The following SLC25A13 variants were observed in gnomAD, a reference collection of about 807,000 sequenced individuals.
SLC25A13 encodes the protein solute carrier family 25 member 13.
A neutral mutation model predicts 85.5 loss-of-function variants in SLC25A13; 70 were observed. The observed-to-expected ratio is 0.82, with a 90% CI of 0.68 to 1.00. The LOEUF is 1.00. Ranked by LOEUF, SLC25A13 falls within the 50% of genes least tolerant of loss-of-function variation. The probability of loss-of-function intolerance (pLI) is 0.00; values close to 1 mark genes in which losing one functional copy is unlikely to be tolerated. For missense variants in SLC25A13, 765 were observed against 819.8 expected (o/e 0.93, Z 0.82); for synonymous variants, 259 against 288.7 (o/e 0.90, Z 1.04).
At chr7:96,217,873 T>C (rs1364085319) in intron 4 of SLC25A13, among the ~76,000 whole-genome samples, 9 of 140,454 alleles carry the variant, frequency 6.4e-5, no homozygotes, top group Non-Finnish European at 1.1e-4. Flanking sequence ...TTTAAATGGG[T>C]AAATTATATC....
chr7:96,138,941 G>C (rs1792409461), intron 14 of SLC25A13, among the ~76,000 whole-genome samples: 1 of 152,100 alleles, frequency 6.6e-6, no homozygotes, highest in South Asian at 2.1e-4. Flanking sequence ...AGAAGACCTG[G>C]CCTGGAGAGG....
chr7:96,307,714 G>C (rs1171157232), intron 1 of SLC25A13, among the ~76,000 whole-genome samples: 2 of 152,086 alleles, frequency 1.3e-5, no homozygotes, highest in Admixed American at 6.5e-5. Context: ...CACTTTTTGG[G>C]AAATTTCCAT....
At chr7:96,222,532 ACCT>A (rs1195544362) in intron 4 of SLC25A13, among the ~76,000 whole-genome samples, 1 of 151,820 alleles carries the variant, frequency 6.6e-6, no homozygotes, top group African/African-American at 2.4e-5. Context: ...TGCAACCTCC[ACCT>A]CCTGGGTTCA....
chr7:96,181,109 T>G (rs1794404161), intron 11 of SLC25A13, among the ~76,000 whole-genome samples: 1 of 152,180 alleles, frequency 6.6e-6, no homozygotes, highest in African/African-American at 2.4e-5. Flanking sequence ...GCCATTTTCT[T>G]GTTAGGAAAA....
At chr7:96,214,709 C>T (rs773380368) in intron 4 of SLC25A13, among the ~76,000 whole-genome samples, 6 of 151,406 alleles carry the variant, frequency 4.0e-5, no homozygotes, top group South Asian at 4.2e-4. Flanking sequence ...GGTGACAGGG[C>T]GAGACTCCGT....
intron 4 of SLC25A13, among the ~76,000 whole-genome samples, chr7:96,223,890 T>C (rs1288266122): frequency 6.6e-6 from 1 of 151,314 alleles, no homozygotes; most frequent in African/African-American, 2.4e-5. Flanking sequence ...TATCAGTAAG[T>C]AGGAATAGGT....
intron 4 of SLC25A13, among the ~76,000 whole-genome samples, chr7:96,219,481 T>C (rs966009430): frequency 1.3e-5 from 2 of 152,200 alleles, no homozygotes; most frequent in Non-Finnish European, 2.9e-5. Flanking sequence ...ATCCTTCTAG[T>C]GCCAGAAGTC....
chr7:96,252,676 G>GT (rs1797479022), intron 3 of SLC25A13, among the ~76,000 whole-genome samples: 1 of 152,168 alleles, frequency 6.6e-6, no homozygotes. Context: ...GCAAAAAGGG[G>GT]TAAGAGGCAA....
In SLC25A13 at chr7:96,146,498, T is replaced by G. The variant is rs779170369; in HGVS notation, c.1452+58A>C. 6.6e-5 allele frequency: 104 copies of G among 1,584,964 alleles called. 1 individual carries two copies. Among genetic ancestry groups the G allele is most frequent in the Admixed American group, 7.1e-5 (4 of 56,028 alleles). On this transcript the variant is annotated intron_variant, in intron 14 of 17. Coordinates refer to ENST00000265631, the MANE Select transcript of SLC25A13 (RefSeq NM_014251.3). The stretch of plus-strand genomic sequence containing the variant: ...ATGGATTTCATGTTGAAGAATAGTT[T>G]CTGCATTAGGAGATGAGAAAGTAAT...
chr7:96,144,988 C>G (rs1792720928), intron 14 of SLC25A13, among the ~76,000 whole-genome samples: 1 of 152,074 alleles, frequency 6.6e-6, no homozygotes, highest in Non-Finnish European at 1.5e-5. Context: ...CTGCAAGAGC[C>G]TAAAAATTTA....
chr7:96,240,948 C>T (rs1250251964), intron 3 of SLC25A13, among the ~76,000 whole-genome samples: 1 of 108,614 alleles, frequency 9.2e-6, no homozygotes, highest in Non-Finnish European at 1.7e-5. Flanking sequence ...TGGCAGAATC[C>T]AGGGAAGAGC....
chr7:96,181,656 A>G (rs1235653120), intron 11 of SLC25A13, among the ~76,000 whole-genome samples: 1 of 152,232 alleles, frequency 6.6e-6, no homozygotes, highest in East Asian at 1.9e-4. Flanking sequence ...CAACATTCCC[A>G]AATTATCTCA....
intron 4 of SLC25A13, 107 bp from the exon 5 acceptor site, chr7:96,209,084 A>C (rs1795583404): frequency 1.8e-6 from 2 of 1,109,022 alleles, no homozygotes; most frequent in Middle Eastern, 2.8e-4. Flanking sequence ...AAAGTAATTC[A>C]ATTTTAAATA....
chr7:96,219,673 T>A (rs753717697), intron 4 of SLC25A13: 1 of 534,560 alleles, frequency 1.9e-6, no homozygotes, highest in South Asian at 1.4e-5. Context: ...AATCAGTAGA[T>A]TTGAGACAGA....
chr7:96,169,025 G>T (rs753575202), intron 13 of SLC25A13, among the ~76,000 whole-genome samples: 1 of 152,126 alleles, frequency 6.6e-6, no homozygotes, highest in Non-Finnish European at 1.5e-5. Flanking sequence ...CAGAACAAGG[G>T]GATCCTGCCT....
rs1294184862 is a variant in SLC25A13 at position 96,203,346 on chromosome 7, G to A, written c.468+5492C>T. The stretch of plus-strand genomic sequence containing the variant: ...GAGGGGAGGTCGGTGGAGAGGCCTG[G>A]GACTCTGCATTTCTAAATACGCATC... On this transcript the variant is annotated intron_variant, in intron 5 of 17. Coordinates refer to ENST00000265631, the MANE Select transcript of SLC25A13 (RefSeq NM_014251.3). 2.0e-5 allele frequency among the ~76,000 whole-genome samples: 3 copies of A among 152,004 alleles called. No individual in the cohort carries two copies. In the East Asian group the frequency reaches 5.8e-4, roughly 29 times the overall value.
Position 96,201,556 on chromosome 7 carries a change from CAAACA to C in SLC25A13, c.468+7277_468+7281del, listed in dbSNP as rs914771778. ...CATGGTCTAGATACTTTCACTAATA[CAAACA>C]AGACAAGTTGGGGGACAAAAGGGAG... On this transcript the variant is annotated intron_variant, in intron 5 of 17. Coordinates refer to ENST00000265631, the MANE Select transcript of SLC25A13 (RefSeq NM_014251.3). Among the ~76,000 whole-genome samples the C allele has an allele frequency of 1.0e-4, 15 of 149,868 alleles. 1 individual carries two copies. Among genetic ancestry groups the C allele is most frequent in the Admixed American group, 4.0e-4 (6 of 15,040 alleles).
intron 6 of SLC25A13, among the ~76,000 whole-genome samples, chr7:96,191,460 T>C (rs1315687319): frequency 6.6e-6 from 1 of 152,208 alleles, no homozygotes; most frequent in Non-Finnish European, 1.5e-5. Context: ...GTACTCTCCA[T>C]ACACAACTCC....
intron 15 of SLC25A13, among the ~76,000 whole-genome samples, chr7:96,122,987 T>C (rs1457490826): frequency 6.6e-6 from 1 of 152,188 alleles, no homozygotes; most frequent in African/African-American, 2.4e-5. Flanking sequence ...ATGGTCTGGC[T>C]CACAACTACA....
Sources: allele counts gnomAD v4.1 joint callset (sites outside exome capture counted in the v4.1 genomes callset), GRCh38; gene constraint gnomAD v4.1.1; transcripts MANE v1.5; gene names NCBI Gene and HGNC (gene_info 2026-07-23, HGNC 2026-07-21).